RNPS1: variants seen among roughly 807,000 people sequenced by gnomAD.
The protein encoded by RNPS1 is RNA-binding protein with serine-rich domain 1.
For synonymous variants in RNPS1, 147 were observed against 150.0 expected (o/e 0.98, Z 0.15); for missense variants, 300 against 427.6 (o/e 0.70, Z 2.63).
chr16:2,266,045 G>T, intron 1 of RNPS1: 2 of 899,512 alleles, frequency 2.2e-6, no homozygotes, highest in Non-Finnish European at 1.3e-6. Context: ...GTAAGGCTCT[G>T]CACAAGCTGC....
At chr16:2,263,697 C>T (rs755857534) in intron 3 of RNPS1, among the ~76,000 whole-genome samples, 10 of 152,116 alleles carry the variant, frequency 6.6e-5, no homozygotes, top group Non-Finnish European at 1.3e-4. Context: ...ACTGCAGCTT[C>T]AACCCCCTGG....
At chr16:2,260,588 A>AAACCTCAAGTTATCTTGG (rs1221115236) in intron 6 of RNPS1, among the ~76,000 whole-genome samples, 1 of 152,204 alleles carries the variant, frequency 6.6e-6, no homozygotes, top group Non-Finnish European at 1.5e-5. Context: ...TAATGGACAA[A>AAACCTCAAGTTATCTTGG]AACCTCAAGT....
rs1310630174 is a variant in RNPS1 at position 2,263,159 on chromosome 16, C to A, written c.356G>T (p.Ser119Ile). Residue 119 changes from serine to isoleucine, a missense_variant, in exon 4 of 8, where the codon AGC becomes ATC. Ser to Ile is a moderately radical substitution (Grantham distance 142). Transcript: ENST00000320225. ...AGAAGGACTTGGAGAGCCAGAAGAG[C>A]TGCTAGAGCTGGAGCTGCGGGAGGT... ...SSTSRSSSSSSSSGSPSPSRR... is the reference protein window; with the variant it reads ...SSTSRSSSSSISSGSPSPSRR... 2 of 1,613,852 alleles carry A rather than the reference C, an allele frequency of 1.2e-6. No individual in the cohort carries two copies. The highest frequency in any genetic ancestry group is 1.7e-6 in the Non-Finnish European group (2 of 1,179,900).
At chr16:2,260,083 A>AT (rs2093596181) in intron 6 of RNPS1, among the ~76,000 whole-genome samples, 1 of 150,560 alleles carries the variant, frequency 6.6e-6, no homozygotes, top group African/African-American at 2.5e-5. Flanking sequence ...AACTTGGAGC[A>AT]TATTTGTTTC....
At chr16:2,265,956 G>A (rs140717867) in intron 1 of RNPS1, 6 of 248,474 alleles carry the variant, frequency 2.4e-5, no homozygotes, top group South Asian at 1.5e-4. Context: ...CTCAAATAAC[G>A]GTAACAAATT....
chr16:2,259,241 G>T (rs1452660802), intron 6 of RNPS1, among the ~76,000 whole-genome samples: 1 of 152,126 alleles, frequency 6.6e-6, no homozygotes, highest in Non-Finnish European at 1.5e-5. Flanking sequence ...ATAAAATTGG[G>T]TTTGGCTTTG....
At chr16:2,267,947 A>G in intron 1 of RNPS1, 108 bp downstream of exon 1, 1 of 1,529,198 alleles carries the variant, frequency 6.5e-7, no homozygotes, top group East Asian at 2.5e-5. Flanking sequence ...CTGCCAGGCC[A>G]CCGCCGCACT....
At chr16:2,261,781 C>T (rs1199899496) in intron 6 of RNPS1, among the ~76,000 whole-genome samples, 1 of 152,206 alleles carries the variant, frequency 6.6e-6, no homozygotes, top group Non-Finnish European at 1.5e-5. Context: ...ACTCCCCAAA[C>T]TGCTGTGATT....
chr16:2,262,589 T>C (rs1256800860), intron 5 of RNPS1, 151 bp downstream of exon 5: 12 of 937,124 alleles, frequency 1.3e-5, no homozygotes, highest in Middle Eastern at 2.8e-4. Context: ...ACACATGTAT[T>C]AATGGTCCAC....
intron 7 of RNPS1, among the ~76,000 whole-genome samples, chr16:2,254,859 A>T (rs2141532774): frequency 6.7e-6 from 1 of 148,546 alleles, no homozygotes; most frequent in South Asian, 2.1e-4. Flanking sequence ...CTCCTGCCTC[A>T]GCCTCCCGAG....
At chr16:2,257,785 T>C (rs2093585246) in intron 6 of RNPS1, 1 of 152,238 alleles carries the variant, frequency 6.6e-6, no homozygotes, top group African/African-American at 2.4e-5. Context: ...AAGGAAACTT[T>C]CCTAATGCCT....
In RNPS1 at chr16:2,263,168, C is replaced by G; in HGVS notation, c.347G>C (p.Ser116Thr). The change falls in exon 4 of 8, where the codon AGC (serine) becomes ACC (threonine). Residue 116 changes from serine to threonine, a missense_variant. Ser to Thr is a moderately conservative substitution (Grantham distance 58). Transcript: ENST00000320225. The stretch of plus-strand genomic sequence containing the variant: ...TGGAGAGCCAGAAGAGCTGCTAGAG[C>G]TGGAGCTGCGGGAGGTGCTGGAGCT... ...SGSSSTSRSS[S>T]SSSSSGSPSP... 1.2e-6 allele frequency: 2 copies of G among 1,613,910 alleles called. No homozygotes were observed. Among genetic ancestry groups the G allele is most frequent in the Non-Finnish European group, 1.7e-6 (2 of 1,179,930 alleles).
intron 3 of RNPS1, among the ~76,000 whole-genome samples, chr16:2,263,592 A>G (rs2093612359): frequency 6.6e-6 from 1 of 152,210 alleles, no homozygotes; most frequent in Non-Finnish European, 1.5e-5. Flanking sequence ...CTGGGAAGGC[A>G]GCTGCTGGCT....
intron 6 of RNPS1, among the ~76,000 whole-genome samples, chr16:2,259,400 T>C (rs559092517): frequency 1.9e-4 from 29 of 152,254 alleles, no homozygotes; most frequent in Non-Finnish European, 4.1e-4. Flanking sequence ...ACAAATTTCG[T>C]CAATTGTGTC....
chr16:2,264,907 GT>G, intron 1 of RNPS1, 147 bp from the exon 2 acceptor site: 1 of 493,390 alleles, frequency 2.0e-6, no homozygotes, highest in East Asian at 4.1e-5. Context: ...CATAGGGACA[GT>G]CCCCATGTGC....
chr16:2,254,095 G>C, intron 7 of RNPS1, 32 bp from the exon 8 acceptor site: 3 of 1,420,146 alleles, frequency 2.1e-6, no homozygotes, highest in Non-Finnish European at 9.3e-7. Flanking sequence ...CATCAGAGTA[G>C]CTCAGGCTGT....
Position 2,254,165 on chromosome 16 carries a change from ATCACTCTG to A in RNPS1, c.819-110_819-103del. On this transcript the variant is annotated intron_variant, in intron 7 of 7. Coordinates refer to ENST00000320225, the MANE Select transcript of RNPS1 (RefSeq NM_080594.4). ...ATAGTTTTACTTTTTGAGATGGAATATCACTCTGTCTCCAGGCCAGAGTGCAGTGGCAC... is the reference window on the plus strand; with the variant it reads ...ATAGTTTTACTTTTTGAGATGGAATATCTCCAGGCCAGAGTGCAGTGGCAC... 4 of 829,068 alleles carry A rather than the reference ATCACTCTG, an allele frequency of 4.8e-6. No homozygotes were observed. The South Asian group carries it at 7.7e-5, about 16-fold the overall frequency. The allele number at this position is 829,068 out of a possible 1,614,324, so 51.4% of individuals were successfully genotyped here.
chr16:2,261,903 A>T (rs1407371866), intron 6 of RNPS1, among the ~76,000 whole-genome samples: 1 of 152,260 alleles, frequency 6.6e-6, no homozygotes, highest in Non-Finnish European at 1.5e-5. Context: ...TAGTTAATAG[A>T]TTAAAAGTCA....
rs2093633068 is a variant in RNPS1 at position 2,268,113 on chromosome 16, C to T, written c.-176G>A. 6.5e-7 allele frequency: 1 copy of T among 1,534,676 alleles called. No individual in the cohort carries two copies. The highest frequency in any genetic ancestry group is 1.4e-5 in the African/African-American group (1 of 72,970). On this transcript the variant is annotated 5_prime_UTR_variant, in exon 1 of 8. Transcript: ENST00000320225. ...CTCAGCCGCCGAGGCCGGCGCCGCT[C>T]TGACGTCAGAGTCAAGGAGCGGGAA...
Sources: gnomAD v4.1 joint callset for allele counts (sites outside exome capture counted in the v4.1 genomes callset) on GRCh38, gnomAD v4.1.1 for gene constraint, MANE v1.5 for transcripts, NCBI Gene and HGNC (gene_info 2026-07-23, HGNC 2026-07-21) for gene names.